The following ZDHHC15 variants were observed in gnomAD, a reference collection of about 807,000 sequenced individuals.
ZDHHC15 encodes zDHHC palmitoyltransferase 15, also known as palmitoyltransferase ZDHHC15.
In ZDHHC15, 19 loss-of-function variants were observed where a neutral mutation model predicts 31.7. The observed-to-expected ratio is 0.60, with a 90% confidence interval of 0.42 to 0.88. ZDHHC15 has a LOEUF of 0.88. Among genes scored for constraint, ZDHHC15 ranks in the 40% least tolerant of loss-of-function variants. The pLI, the probability that ZDHHC15 is intolerant of heterozygous loss-of-function variation, is 0.00. For synonymous variants in ZDHHC15, 103 were observed against 90.0 expected, an observed-to-expected ratio of 1.14 and a Z score of -0.82; for missense variants, 209 against 251.2, an observed-to-expected ratio of 0.83 and a Z score of 1.14.
chrX:75,408,978 C>T (rs773645185), intron 10 of ZDHHC15, among the ~76,000 whole-genome samples: 9 of 112,020 alleles, frequency 8.0e-5, no homozygotes, highest in Non-Finnish European at 1.5e-4. Context: ...ATTTCATGTG[C>T]ATGGATTGGA....
chrX:75,417,400 C>T (rs1047284881), intron 9 of ZDHHC15, among the ~76,000 whole-genome samples: 24 of 111,848 alleles, frequency 2.1e-4, no homozygotes, highest in African/African-American at 7.1e-4. Flanking sequence ...TCAGTGTTAA[C>T]TTCTTGTTTG....
At chrX:75,444,669 TATATATATATATATATATACAC>T (rs1239489724) in intron 4 of ZDHHC15, among the ~76,000 whole-genome samples, 1 of 78,094 alleles carries the variant, frequency 1.3e-5, no homozygotes, top group African/African-American at 5.3e-5. Context: ...TATATATATA[TATATATATATATATATATACAC>T]ACACACACAC....
intron 3 of ZDHHC15, among the ~76,000 whole-genome samples, chrX:75,455,149 G>A (rs1001992503): frequency 2.7e-5 from 3 of 111,641 alleles, no homozygotes; most frequent in Non-Finnish European, 5.6e-5. Flanking sequence ...AAAACTGCAT[G>A]GTACTGGTAC....
chrX:75,494,864 T>C (rs946089961), intron 2 of ZDHHC15, among the ~76,000 whole-genome samples: 13 of 111,896 alleles, frequency 1.2e-4, no homozygotes, highest in Admixed American at 1.9e-4. Flanking sequence ...ATTCAGGACA[T>C]AGGCATGGGC....
intron 4 of ZDHHC15, among the ~76,000 whole-genome samples, chrX:75,432,420 A>T (rs1365034009): frequency 1.8e-5 from 2 of 112,300 alleles, no homozygotes; most frequent in Non-Finnish European, 3.8e-5. Context: ...CAGTTAATTC[A>T]GCAGAGATTT....
intron 10 of ZDHHC15, among the ~76,000 whole-genome samples, chrX:75,383,907 T>A (rs2083150963): frequency 9.4e-6 from 1 of 106,135 alleles, no homozygotes; most frequent in African/African-American, 3.4e-5. Flanking sequence ...CCCAGCTAAT[T>A]TTTTTTTTGT....
intron 3 of ZDHHC15, among the ~76,000 whole-genome samples, chrX:75,455,089 G>T (rs934624692): frequency 9.0e-6 from 1 of 111,694 alleles, no homozygotes; most frequent in Non-Finnish European, 1.9e-5. Flanking sequence ...AACAAAGCTG[G>T]AGGCATCATG....
At chrX:75,509,471 A>G (rs1002559461) in intron 1 of ZDHHC15, among the ~76,000 whole-genome samples, 1 of 112,385 alleles carries the variant, frequency 8.9e-6, no homozygotes, top group Non-Finnish European at 1.9e-5. Flanking sequence ...GGAGTTCAAA[A>G]GGGACTTGTG....
chrX:75,488,629 G>A (rs1411500592), intron 2 of ZDHHC15, among the ~76,000 whole-genome samples: 1 of 112,038 alleles, frequency 8.9e-6, no homozygotes, highest in Non-Finnish European at 1.9e-5. Flanking sequence ...ACCCAAGATG[G>A]CTGAATAGGA....
chrX:75,421,943 A>G lies in ZDHHC15; in HGVS notation c.784T>C (p.Phe262Leu). The change falls in exon 9 of 12, where the codon TTC becomes CTC. Residue 262 changes from phenylalanine (F) to leucine (L), a missense_variant. Coordinates refer to ENST00000373367, the MANE Select transcript of ZDHHC15 (RefSeq NM_144969.3). ...ATATTCTTGATGAAGCCAAGGTTGA[A>G]CCCATTTTTCTCTGGGCCACTTGTA... ...VFTSGPEKNG[F>L]NLGFIKNIQQ... 8.3e-7 allele frequency: 1 copy of G among 1,210,605 alleles called. No individual in the cohort carries two copies.
In ZDHHC15 at chrX:75,369,718, CAT is replaced by C. The variant is rs757562864; in HGVS notation, c.*3258_*3259del. 6 of 111,845 alleles carry C rather than the reference CAT, an allele frequency of 5.4e-5. No individual in the cohort carries two copies. The East Asian group carries it at 1.7e-3, about 32-fold the overall frequency. 9.2% of individuals were successfully genotyped at this position (111,845 alleles called of 1,213,427 possible). ...AGAGGCACATATTGCATTCTTATCA[CAT>C]AGAAAGTAAGAGTTGTACAAATTGC... On this transcript the variant is annotated 3_prime_UTR_variant, in exon 12 of 12. Coordinates refer to ENST00000373367, the MANE Select transcript of ZDHHC15 (RefSeq NM_144969.3).
chrX:75,465,106 G>C, intron 3 of ZDHHC15, among the ~76,000 whole-genome samples: 1 of 112,217 alleles, frequency 8.9e-6, no homozygotes, highest in East Asian at 2.8e-4. Flanking sequence ...CTTCAGCAAG[G>C]TCTCAGGATA....
chrX:75,397,245 C>T (rs774959672), intron 10 of ZDHHC15, among the ~76,000 whole-genome samples: 10 of 109,284 alleles, frequency 9.2e-5, no homozygotes, highest in African/African-American at 2.0e-4. Flanking sequence ...GAGAATCACT[C>T]GAACCCAGGA....
chrX:75,484,007 T>C (rs1055483405), intron 2 of ZDHHC15, among the ~76,000 whole-genome samples: 26 of 112,082 alleles, frequency 2.3e-4, no homozygotes, highest in Admixed American at 8.6e-4. Flanking sequence ...ATCTCATTAA[T>C]ATGATGTTGA....
intron 3 of ZDHHC15, among the ~76,000 whole-genome samples, chrX:75,468,091 G>C (rs1236367319): frequency 9.7e-6 from 1 of 103,361 alleles, no homozygotes; most frequent in Non-Finnish European, 2.0e-5. Context: ...TGTTGCCTAG[G>C]CTGGAGTGCA....
intron 4 of ZDHHC15, among the ~76,000 whole-genome samples, chrX:75,440,968 T>C (rs974908772): frequency 3.6e-5 from 4 of 111,486 alleles, no homozygotes; most frequent in Non-Finnish European, 7.5e-5. Flanking sequence ...AAGCCAGCAG[T>C]GACAGGCCTC....
intron 1 of ZDHHC15, among the ~76,000 whole-genome samples, chrX:75,509,630 T>C (rs1324808613): frequency 8.9e-6 from 1 of 112,457 alleles, no homozygotes; most frequent in East Asian, 2.8e-4. Flanking sequence ...ATTTTGGCTC[T>C]TGACACTTAT....
intron 3 of ZDHHC15, among the ~76,000 whole-genome samples, chrX:75,474,229 C>G (rs2084551390): frequency 9.1e-6 from 1 of 109,884 alleles, no homozygotes; most frequent in Non-Finnish European, 1.9e-5. Context: ...GAATATAAAG[C>G]AGGCAGAAAA....
chrX:75,418,933 C>T (rs1197660743), intron 9 of ZDHHC15, among the ~76,000 whole-genome samples: 1 of 112,137 alleles, frequency 8.9e-6, no homozygotes, highest in African/African-American at 3.2e-5. Context: ...AAAGCAATGG[C>T]AACAAAAGCC....
Sources: allele counts gnomAD v4.1 joint callset (sites outside exome capture counted in the v4.1 genomes callset), GRCh38; gene constraint gnomAD v4.1.1; transcripts MANE v1.5; gene names NCBI Gene and HGNC (gene_info 2026-07-23, HGNC 2026-07-21).